ARHGEF40: variants seen among roughly 807,000 people sequenced by gnomAD.
ARHGEF40 encodes the protein Rho guanine nucleotide exchange factor 40.
In ARHGEF40, 98 loss-of-function variants were observed where a neutral mutation model predicts 165.9. The observed-to-expected ratio is 0.59, with a 90% CI of 0.50 to 0.70. The LOEUF (loss-of-function observed/expected upper bound fraction) is 0.70. ARHGEF40 is among the 30% of genes least tolerant of loss of function. The pLI, the probability that ARHGEF40 is intolerant of heterozygous loss-of-function variation, is 0.00. For missense variants in ARHGEF40, 1,815 were observed against 1,968.0 expected (o/e 0.92, Z 1.47); for synonymous variants, 792 against 814.3 (o/e 0.97, Z 0.47).
Position 21,078,984 on chromosome 14 carries a change from C to A in ARHGEF40, c.2347C>A (p.Arg783=), listed in dbSNP as rs762564238. 1.2e-6 allele frequency: 2 copies of A among 1,613,824 alleles called. No homozygotes were observed. Among genetic ancestry groups the A allele is most frequent in the Non-Finnish European group, 1.7e-6 (2 of 1,179,910 alleles). ...SNLHVQQQEQ[R]QCLRRLQQVL... ...CCTGCACGTGCAGCAGCAAGAGCAGCGGCAGTGCCTGCGGCGACTCCAGCA... is the reference window on the plus strand; with the variant it reads ...CCTGCACGTGCAGCAGCAAGAGCAGAGGCAGTGCCTGCGGCGACTCCAGCA... The change falls in exon 11 of 24, where the codon CGG becomes AGG. Residue 783 remains arginine, a synonymous_variant. Coordinates refer to ENST00000298694, the MANE Select transcript of ARHGEF40 (RefSeq NM_018071.5).
intron 8 of ARHGEF40, among the ~76,000 whole-genome samples, chr14:21,077,691 T>C (rs1337238253): frequency 6.6e-6 from 1 of 152,234 alleles, no homozygotes; most frequent in Non-Finnish European, 1.5e-5. Flanking sequence ...CCAGCACTTA[T>C]CTCATGTAAT....
At chr14:21,086,106 T>A in intron 19 of ARHGEF40, 1 of 480,378 alleles carries the variant, frequency 2.1e-6, no homozygotes, top group Non-Finnish European at 3.7e-6. Flanking sequence ...CCAGGTGCAG[T>A]GGCTCATGCC....
At position 21,078,477 on chromosome 14, in the gene ARHGEF40, T is replaced by C; in HGVS notation, c.2235T>C (p.Thr745=). ...CCATCCTGATGAGGCTGCGCTCCAC[T>C]CCCAGCAGCAAGTACGAAGTATGGG... ...GGAILMRLRS[T]PSSKLEGQGP... The change falls in exon 10 of 24, where the codon ACT becomes ACC. Residue 745 remains threonine, a synonymous_variant. Transcript: ENST00000298694. 1 of 1,589,266 alleles carries C rather than the reference T, an allele frequency of 6.3e-7. No homozygotes were observed. Among genetic ancestry groups the C allele is most frequent in the Non-Finnish European group, 8.6e-7 (1 of 1,166,362 alleles).
Position 21,072,894 on chromosome 14 carries a change from T to A in ARHGEF40, c.4-151T>A. On this transcript the variant is annotated intron_variant, in intron 1 of 23. Coordinates refer to ENST00000298694, the MANE Select transcript of ARHGEF40 (RefSeq NM_018071.5). This position sits in a 1 kb window ranked among gnomAD's most constrained non-coding sequence, Gnocchi z 4.1. ...GCCCAGCCCCACTCCTGTTCTGGGC[T>A]CATCAGCCAGCATTTCCTGAGTGCT... The A allele has an allele frequency of 1.3e-6, 1 of 777,002 alleles. No homozygotes were observed. The highest frequency in any genetic ancestry group is 1.7e-5 in the South Asian group (1 of 58,090). 48.1% of individuals were successfully genotyped at this position (777,002 alleles called of 1,614,324 possible).
chr14:21,077,590 C>T (rs1188430565), intron 8 of ARHGEF40, among the ~76,000 whole-genome samples: 1 of 152,134 alleles, frequency 6.6e-6, no homozygotes, highest in African/African-American at 2.4e-5. Context: ...AAATAGTGCC[C>T]TTTCTGTATC....
In ARHGEF40 at chr14:21,082,132, C is replaced by T; in HGVS notation, c.3251+13C>T. On this transcript the variant is annotated intron_variant, in intron 14 of 23. Transcript: ENST00000298694. ...AGCGAAGCATCAGGTGAGATCCCAG[C>T]CCAACTGGTGCTAAGAGGCGGAGCC... The T allele has an allele frequency of 6.4e-7, 1 of 1,562,320 alleles. No homozygotes were observed.
At chr14:21,062,364 C>T in the ARHGEF40 span, among the ~76,000 whole-genome samples, 4 of 152,288 alleles carry the variant, frequency 2.6e-5, no homozygotes, top group Non-Finnish European at 5.9e-5. Context: ...CAAGGGCATG[C>T]GACTGGCAGT....
At chr14:21,071,248 G>A (rs927148287) in intron 1 of ARHGEF40, among the ~76,000 whole-genome samples, 2 of 152,176 alleles carry the variant, frequency 1.3e-5, no homozygotes, top group Admixed American at 6.5e-5. Context: ...AGTGAACACT[G>A]CCCTGGGAAC....
chr14:21,082,975 C>T (rs1457607919), intron 16 of ARHGEF40, 58 bp downstream of exon 16: 2 of 1,515,928 alleles, frequency 1.3e-6, no homozygotes, highest in Non-Finnish European at 1.8e-6. Flanking sequence ...ACCTAAAAAC[C>T]CACCCAACAA....
Position 21,080,744 on chromosome 14 carries a change from A to G in ARHGEF40, c.2458A>G (p.Thr820Ala). Residue 820 changes from threonine to alanine, a missense_variant, in exon 12 of 24, where the codon ACA becomes GCA. By Grantham distance (58) the Thr-to-Ala change is moderately conservative (BLOSUM62 0). Transcript: ENST00000298694. Reference protein sequence around the residue: ...PGDTLSALQETELRFRAFSAE... With the variant: ...PGDTLSALQEAELRFRAFSAE... ...GGACACCTTGTCTGCCCTGCAGGAG[A>G]CAGAGCTGCGATTCCGTGCTTTCAG... 2 of 1,610,578 alleles carry G rather than the reference A, an allele frequency of 1.2e-6. No individual in the cohort carries two copies. Among genetic ancestry groups the G allele is most frequent in the Non-Finnish European group, 1.7e-6 (2 of 1,178,014 alleles).
In ARHGEF40 at chr14:21,075,395, A is replaced by G; in HGVS notation, c.1514A>G (p.Glu505Gly). The change falls in exon 4 of 24, where the codon GAA (glutamate) becomes GGA (glycine). Residue 505 changes from glutamate to glycine, a missense_variant. Coordinates refer to ENST00000298694, the MANE Select transcript of ARHGEF40 (RefSeq NM_018071.5). This position sits in a 1 kb window ranked among gnomAD's most constrained non-coding sequence, Gnocchi z 4.5. ...ACACCTCCGCTGGAGACTGTGCAGG[A>G]AGGAAAAGGGGACAACATTCCAGAA... Reference protein sequence around the residue: ...TPTPPLETVQEGKGDNIPEEA... With the variant: ...TPTPPLETVQGGKGDNIPEEA... The G allele has an allele frequency of 1.2e-6, 2 of 1,614,184 alleles. No homozygotes were observed. The highest frequency in any genetic ancestry group is 1.7e-6 in the Non-Finnish European group (2 of 1,180,036).
In ARHGEF40 at chr14:21,073,125, G is replaced by A. The variant is rs772258730; in HGVS notation, c.84G>A (p.Leu28=). The A allele has an allele frequency of 3.7e-6, 6 of 1,614,058 alleles. No homozygotes were observed. Among genetic ancestry groups the A allele is most frequent in the Middle Eastern group, 1.6e-4 (1 of 6,084 alleles). The change falls in exon 2 of 24, where the codon CTG becomes CTA. Residue 28 remains leucine, a synonymous_variant. Transcript: ENST00000298694. The surrounding 1 kb of genome is among the most constrained non-coding windows in gnomAD (Gnocchi z 4.6). ...YPPFEATAPT[L]LGQVFQVVER... The stretch of plus-strand genomic sequence containing the variant: ...CCTTTGAGGCAACAGCCCCCACCCT[G>A]TTGGGCCAGGTGTTCCAGGTGGTGG...
At chr14:21,064,310 T>A in the ARHGEF40 span, among the ~76,000 whole-genome samples, 6 of 151,878 alleles carry the variant, frequency 4.0e-5, no homozygotes, top group Non-Finnish European at 7.4e-5. Context: ...TTTTTTTTTT[T>A]ATTATTTTTG....
chr14:21,082,718 T>C, intron 15 of ARHGEF40, 113 bp from the exon 16 acceptor site: 1 of 1,194,794 alleles, frequency 8.4e-7, no homozygotes, highest in Non-Finnish European at 1.2e-6. Flanking sequence ...GGCTGAGTGC[T>C]CCCTGGTGAC....
the ARHGEF40 span, among the ~76,000 whole-genome samples, chr14:21,063,657 C>G: frequency 6.6e-6 from 1 of 152,200 alleles, no homozygotes; most frequent in East Asian, 1.9e-4. Flanking sequence ...CTCCAGAAGA[C>G]TGACTCTGCT....
chr14:21,065,644 G>A (rs184533781), upstream of ARHGEF40, among the ~76,000 whole-genome samples: 17 of 152,304 alleles, frequency 1.1e-4, no homozygotes, highest in African/African-American at 4.1e-4. Context: ...CAGGTGGCCA[G>A]GGAAGAAGAC....
intron 21 of ARHGEF40, 143 bp from the exon 22 acceptor site, chr14:21,087,825 G>A (rs972498045): frequency 9.0e-7 from 1 of 1,106,634 alleles, no homozygotes; most frequent in African/African-American, 1.6e-5. Flanking sequence ...TCTTGGTAGG[G>A]GGTTCCCTTG....
Position 21,087,310 on chromosome 14 carries a change from C to T in ARHGEF40, c.4244-10C>T, listed in dbSNP as rs752673453. On this transcript the variant is annotated splice_polypyrimidine_tract_variant and intron_variant, in intron 20 of 23. Transcript: ENST00000298694. Reference sequence around the variant, plus strand: ...CCAGCACCCCACCCCCCACTCCCCACTCTCTGCAGCCGCCCGCACCCGGGC... The same window carrying T: ...CCAGCACCCCACCCCCCACTCCCCATTCTCTGCAGCCGCCCGCACCCGGGC... 6.2e-7 allele frequency: 1 copy of T among 1,604,172 alleles called. No individual in the cohort carries two copies. The highest frequency in any genetic ancestry group is 2.2e-5 in the East Asian group (1 of 44,804).
chr14:21,088,693 AAAAGT>A (rs1191210215), intron 22 of ARHGEF40, 132 bp from the exon 23 acceptor site: 2 of 922,260 alleles, frequency 2.2e-6, no homozygotes, highest in African/African-American at 1.7e-5. Flanking sequence ...CTAAAAAAAT[AAAAGT>A]AAATAGCAAA....
Sources: allele counts gnomAD v4.1 joint callset (sites outside exome capture counted in the v4.1 genomes callset), GRCh38; gene constraint gnomAD v4.1.1; non-coding constraint Gnocchi (gnomAD v3.1); transcripts MANE v1.5; gene names NCBI Gene and HGNC (gene_info 2026-07-23, HGNC 2026-07-21).